The following ITGB8 variants were observed in gnomAD, a reference collection of about 807,000 sequenced individuals.
The protein encoded by ITGB8 is integrin beta-8.
ITGB8 carries 30 observed loss-of-function variants against 89.5 expected under a neutral mutation model. That is an observed-to-expected ratio of 0.34 (90% confidence interval 0.25 to 0.45). The LOEUF is 0.45. Among genes scored for constraint, ITGB8 ranks in the 20% least tolerant of loss-of-function variants. ITGB8 has a pLI of 1.00. For missense variants in ITGB8, 836 were observed against 933.3 expected, an observed-to-expected ratio of 0.90 and a Z score of 1.36; for synonymous variants, 335 against 320.4, an observed-to-expected ratio of 1.05 and a Z score of -0.49.
intron 6 of ITGB8, among the ~76,000 whole-genome samples, chr7:20,388,779 C>T (rs949161253): frequency 6.6e-6 from 1 of 152,102 alleles, no homozygotes; most frequent in African/African-American, 2.4e-5. Context: ...AATGTTATCC[C>T]TCCTCTAGCC....
chr7:20,348,743 G>A (rs1186221808), intron 1 of ITGB8, among the ~76,000 whole-genome samples: 1 of 152,160 alleles, frequency 6.6e-6, no homozygotes, highest in Non-Finnish European at 1.5e-5. Context: ...TAAGAGCTGT[G>A]ACCTTTGAAA....
chr7:20,367,445 G>C (rs1162011428), intron 3 of ITGB8, among the ~76,000 whole-genome samples: 1 of 152,092 alleles, frequency 6.6e-6, no homozygotes, highest in African/African-American at 2.4e-5. Context: ...TGATGTAATT[G>C]TGTTTTTCTA....
At chr7:20,364,606 C>T (rs1237805939) in intron 2 of ITGB8, 1 of 152,110 alleles carries the variant, frequency 6.6e-6, no homozygotes, top group Non-Finnish European at 1.5e-5. Flanking sequence ...TAAAGGCTTC[C>T]CAGATGGACT....
At chr7:20,380,862 T>G (rs1188888586) in intron 5 of ITGB8, 31 bp downstream of exon 5, 3 of 1,564,084 alleles carry the variant, frequency 1.9e-6, no homozygotes, top group Non-Finnish European at 2.6e-6. Flanking sequence ...GAGTGTTTGC[T>G]AAGATGCCAA....
chr7:20,370,330 G>A (rs1785877280), intron 3 of ITGB8, among the ~76,000 whole-genome samples: 1 of 151,522 alleles, frequency 6.6e-6, no homozygotes, highest in African/African-American at 2.4e-5. Context: ...AACTGTTTAA[G>A]TCTTGAGATA....
intron 1 of ITGB8, among the ~76,000 whole-genome samples, chr7:20,356,737 A>G (rs1304895760): frequency 4.6e-5 from 7 of 152,190 alleles, no homozygotes; most frequent in Non-Finnish European, 7.4e-5. Context: ...GATAACCATG[A>G]ACATCCTTTA....
chr7:20,360,537 C>T (rs1785460544), intron 1 of ITGB8, among the ~76,000 whole-genome samples: 1 of 151,978 alleles, frequency 6.6e-6, no homozygotes, highest in Admixed American at 6.6e-5. Flanking sequence ...GTCCATTAAA[C>T]CATTTTGTAT....
chr7:20,390,903 ATATAAC>A (rs1416031686), intron 6 of ITGB8, among the ~76,000 whole-genome samples: 2 of 152,072 alleles, frequency 1.3e-5, no homozygotes, highest in African/African-American at 2.4e-5. Flanking sequence ...TATATATGTT[ATATAAC>A]TATATCATGT....
chr7:20,402,658 C>A (rs1394099779), intron 10 of ITGB8, among the ~76,000 whole-genome samples: 1 of 152,186 alleles, frequency 6.6e-6, no homozygotes, highest in Non-Finnish European at 1.5e-5. Flanking sequence ...TGGGCCACCA[C>A]CAGCAACAAA....
intron 1 of ITGB8, among the ~76,000 whole-genome samples, chr7:20,362,071 G>A (rs1785523825): frequency 6.6e-6 from 1 of 152,248 alleles, no homozygotes; most frequent in East Asian, 1.9e-4. Flanking sequence ...ACAGGGAAGG[G>A]TGCTCCATAC....
At chr7:20,402,429 C>A (rs1214689239) in intron 10 of ITGB8, among the ~76,000 whole-genome samples, 11 of 152,172 alleles carry the variant, frequency 7.2e-5, no homozygotes, top group Non-Finnish European at 1.6e-4. Flanking sequence ...CTGATGATAT[C>A]TGACACATTT....
At chr7:20,345,696 G>T (rs1784900706) in intron 1 of ITGB8, among the ~76,000 whole-genome samples, 1 of 152,200 alleles carries the variant, frequency 6.6e-6, no homozygotes, top group Admixed American at 6.5e-5. Flanking sequence ...AGCCCAGGCA[G>T]AGTGAATCAG....
At chr7:20,365,545 G>A (rs1785661444) in intron 2 of ITGB8, 1 of 152,186 alleles carries the variant, frequency 6.6e-6, no homozygotes, top group Non-Finnish European at 1.5e-5. Flanking sequence ...ATGAAATGAA[G>A]CAATGTGGGA....
intron 10 of ITGB8, 126 bp from the exon 11 acceptor site, chr7:20,404,502 G>A: frequency 1.3e-6 from 1 of 757,574 alleles, no homozygotes; most frequent in Non-Finnish European, 2.3e-6. Context: ...ATGAAAAAGT[G>A]ATGCTGTTCC....
chr7:20,392,731 C>T (rs1786914840), intron 7 of ITGB8, among the ~76,000 whole-genome samples: 1 of 152,188 alleles, frequency 6.6e-6, no homozygotes, highest in African/African-American at 2.4e-5. Flanking sequence ...CATGTATACA[C>T]ATTATTTAGC....
At position 20,398,886 on chromosome 7, in the gene ITGB8, G is replaced by A. The variant is rs1241153760; in HGVS notation, c.1173G>A (p.Gln391=). The A allele has an allele frequency of 6.3e-7, 1 of 1,593,914 alleles. No homozygotes were observed. Among genetic ancestry groups the A allele is most frequent in the Non-Finnish European group, 8.5e-7 (1 of 1,172,450 alleles). ...AGCTCATTTCAGAAGTGAAAGTTCA[G>A]GTGGAAAACCAGGTACAAGGCATCT... ...YQKLISEVKV[Q]VENQVQGIYF... is the part of the protein sequence containing the mutation. The change falls in exon 9 of 14, where the codon CAG becomes CAA. Residue 391 remains glutamine, a synonymous_variant. Coordinates refer to ENST00000222573, the MANE Select transcript of ITGB8 (RefSeq NM_002214.3).
intron 1 of ITGB8, among the ~76,000 whole-genome samples, chr7:20,357,681 C>T (rs373495041): frequency 5.3e-5 from 8 of 152,198 alleles, no homozygotes; most frequent in East Asian, 1.9e-4. Flanking sequence ...TTTGTTACTG[C>T]GGAGGAGATG....
intron 7 of ITGB8, among the ~76,000 whole-genome samples, chr7:20,393,483 AG>A (rs1278887774): frequency 6.6e-6 from 1 of 152,182 alleles, no homozygotes; most frequent in African/African-American, 2.4e-5. Flanking sequence ...TGGCTGCCAG[AG>A]TGATCTATTG....
chr7:20,379,526 C>CGA (rs1786288129), intron 4 of ITGB8: 1 of 178,444 alleles, frequency 5.6e-6, no homozygotes, highest in African/African-American at 2.4e-5. Context: ...TTTTTATCAC[C>CGA]AAAAAAAACA....
Sources: allele counts gnomAD v4.1 joint callset (sites outside exome capture counted in the v4.1 genomes callset), GRCh38; gene constraint gnomAD v4.1.1; transcripts MANE v1.5; gene names NCBI Gene and HGNC (gene_info 2026-07-23, HGNC 2026-07-21).